CSMD1: variants seen among roughly 807,000 people sequenced by gnomAD.
CSMD1 encodes CUB and Sushi multiple domains 1, also known as CUB and sushi domain-containing protein 1.
A neutral mutation model predicts 417.5 loss-of-function variants in CSMD1; 213 were observed. The observed-to-expected ratio is 0.51, with a 90% CI of 0.46 to 0.57. The LOEUF is 0.57. CSMD1 is among the 20% of genes least tolerant of loss of function. The pLI, the probability that CSMD1 is intolerant of heterozygous loss-of-function variation, is 0.00. For synonymous variants in CSMD1, 2,862 were observed against 1,736.8 expected, an observed-to-expected ratio of 1.65 and a Z score of -16.11; for missense variants, 6,923 against 4,529.7, an observed-to-expected ratio of 1.53 and a Z score of -15.17.
chr8:4,294,693 C>T (rs933300014), intron 3 of CSMD1, among the ~76,000 whole-genome samples: 2 of 151,892 alleles, frequency 1.3e-5, no homozygotes, highest in Non-Finnish European at 2.9e-5. Context: ...CTAAGATGAC[C>T]ATCTATTTTA....
At chr8:3,483,248 G>C (rs1490615446) in intron 11 of CSMD1, among the ~76,000 whole-genome samples, 1 of 152,006 alleles carries the variant, frequency 6.6e-6, no homozygotes, top group African/African-American at 2.4e-5. Flanking sequence ...AAAAGAGAAA[G>C]GGAGAGAGAG....
chr8:3,048,441 G>C (rs1811600688), intron 50 of CSMD1, among the ~76,000 whole-genome samples: 2 of 152,204 alleles, frequency 1.3e-5, no homozygotes, highest in South Asian at 4.2e-4. Context: ...CATAAATCTA[G>C]TCAATGAACT....
chr8:4,316,516 T>C (rs1563442492), intron 3 of CSMD1, among the ~76,000 whole-genome samples: 1 of 152,160 alleles, frequency 6.6e-6, no homozygotes, highest in Admixed American at 6.6e-5. Flanking sequence ...ATAGAACTAT[T>C]ATTCCATAAT....
chr8:4,207,533 C>T (rs1011725148), intron 3 of CSMD1, among the ~76,000 whole-genome samples: 2 of 151,962 alleles, frequency 1.3e-5, no homozygotes, highest in Non-Finnish European at 2.9e-5. Context: ...GTTTTAGTTT[C>T]AAATGTCCAT....
chr8:4,855,179 T>C (rs1801722956), intron 1 of CSMD1, among the ~76,000 whole-genome samples: 1 of 149,974 alleles, frequency 6.7e-6, no homozygotes, highest in African/African-American at 2.4e-5. Context: ...GGCAGGGTAC[T>C]CCAACAGACC....
intron 3 of CSMD1, among the ~76,000 whole-genome samples, chr8:4,041,073 G>C (rs556079084): frequency 1.4e-5 from 2 of 143,180 alleles, no homozygotes; most frequent in Non-Finnish European, 3.0e-5. Context: ...CTGGAGTGCA[G>C]TGGCGCGATC....
chr8:3,860,699 G>A (rs1240908279), intron 5 of CSMD1, among the ~76,000 whole-genome samples: 2 of 152,136 alleles, frequency 1.3e-5, no homozygotes, highest in African/African-American at 2.4e-5. Flanking sequence ...AACTTTGTAA[G>A]ATGAACTAAA....
At chr8:4,177,696 G>C (rs1377295825) in intron 3 of CSMD1, among the ~76,000 whole-genome samples, 4 of 143,590 alleles carry the variant, frequency 2.8e-5, no homozygotes, top group Non-Finnish European at 3.0e-5. Flanking sequence ...GACTAACAAA[G>C]AAAAAAAGAG....
chr8:3,947,194 G>T lies in CSMD1; in HGVS notation c.818+50709C>A, dbSNP rs147061965. The stretch of plus-strand genomic sequence containing the variant: ...GGATGCCCTTTACTGGGTTCAGGAG[G>T]TTTCTCTCAGTTCCTAGTCAGCTGA... On this transcript the variant is annotated intron_variant, in intron 5 of 69. Transcript: ENST00000635120. Among the ~76,000 whole-genome samples the T allele has an allele frequency of 5.0e-3, 756 of 152,252 alleles. 1 individual carries two copies. The highest frequency in any genetic ancestry group is 8.0e-3 in the Non-Finnish European group (547 of 68,026).
chr8:4,153,714 A>G (rs755957051), intron 3 of CSMD1, among the ~76,000 whole-genome samples: 52 of 152,216 alleles, frequency 3.4e-4, no homozygotes, highest in Non-Finnish European at 8.8e-5. Flanking sequence ...TCCCACAGAT[A>G]TAAGAACCCA....
chr8:4,119,059 G>A (rs964314543), intron 3 of CSMD1, among the ~76,000 whole-genome samples: 3 of 152,076 alleles, frequency 2.0e-5, no homozygotes, highest in Non-Finnish European at 4.4e-5. Context: ...CACGGACACA[G>A]GGAGGGGAAC....
At chr8:4,211,347 C>T (rs886418080) in intron 3 of CSMD1, among the ~76,000 whole-genome samples, 1 of 151,780 alleles carries the variant, frequency 6.6e-6, no homozygotes, top group East Asian at 1.9e-4. Context: ...CTTTACATTT[C>T]TTTTATTCCC....
chr8:4,887,325 G>A (rs934593612), intron 1 of CSMD1, among the ~76,000 whole-genome samples: 2 of 152,016 alleles, frequency 1.3e-5, no homozygotes, highest in Admixed American at 1.3e-4. Flanking sequence ...ATGTGTTAAA[G>A]AACATATTTT....
rs183446835 is a variant in CSMD1, at chr8:4,021,363, G to T, written c.610+10542C>A. ...TGTTTCATGTCACATTTTCCGTGTC[G>T]CATCTGGGGATTTTTAACTTCATCT... On this transcript the variant is annotated intron_variant, in intron 4 of 69. Coordinates refer to ENST00000635120, the MANE Select transcript of CSMD1 (RefSeq NM_033225.6). Among the ~76,000 whole-genome samples, 3 of 152,232 alleles carry T rather than the reference G, an allele frequency of 2.0e-5. No homozygotes were observed. In the East Asian group the frequency reaches 5.8e-4, roughly 29 times the overall value.
At chr8:3,970,623 G>T (rs553585908) in intron 5 of CSMD1, among the ~76,000 whole-genome samples, 2 of 152,212 alleles carry the variant, frequency 1.3e-5, no homozygotes, top group African/African-American at 4.8e-5. Flanking sequence ...AAACTCAAGA[G>T]GAATCTTCAT....
intron 39 of CSMD1, among the ~76,000 whole-genome samples, chr8:3,157,394 C>T (rs1029313144): frequency 6.6e-5 from 10 of 152,150 alleles, no homozygotes; most frequent in Non-Finnish European, 1.3e-4. Context: ...AAAGCTTTTT[C>T]CTAAAGAAGC....
chr8:4,048,618 G>C (rs1165594330), intron 3 of CSMD1, among the ~76,000 whole-genome samples: 1 of 152,166 alleles, frequency 6.6e-6, no homozygotes, highest in African/African-American at 2.4e-5. Flanking sequence ...CACCAAACAG[G>C]TAATTCTTAA....
At chr8:4,757,691 G>T (rs767133981) in intron 1 of CSMD1, among the ~76,000 whole-genome samples, 5 of 152,092 alleles carry the variant, frequency 3.3e-5, no homozygotes, top group African/African-American at 1.2e-4. Context: ...GGGCATGGTG[G>T]CTTATGTCTG....
intron 7 of CSMD1, among the ~76,000 whole-genome samples, chr8:3,688,481 G>T (rs985451312): frequency 6.6e-6 from 1 of 152,148 alleles, no homozygotes; most frequent in Non-Finnish European, 1.5e-5. Context: ...GTTCCCTAAT[G>T]TCAAATGAGG....
Sources: gnomAD v4.1 joint callset for allele counts (sites outside exome capture counted in the v4.1 genomes callset) on GRCh38, gnomAD v4.1.1 for gene constraint, MANE v1.5 for transcripts, NCBI Gene and HGNC (gene_info 2026-07-23, HGNC 2026-07-21) for gene names.